IL1RAPL1: variants seen among roughly 807,000 people sequenced by gnomAD.
IL1RAPL1 encodes the protein interleukin 1 receptor accessory protein like 1, also known as interleukin-1 receptor accessory protein-like 1.
A neutral mutation model predicts 48.4 loss-of-function variants in IL1RAPL1; 3 were observed. The ratio of observed to expected loss-of-function variants is 0.06; its 90% CI spans 0.03 to 0.16. The LOEUF (loss-of-function observed/expected upper bound fraction) is 0.16. IL1RAPL1 is among the 10% of genes least tolerant of loss of function. The pLI is 1.00. For missense variants in IL1RAPL1, 349 were observed against 530.6 expected (o/e 0.66, Z 3.36); for synonymous variants, 185 against 187.7 (o/e 0.99, Z 0.12).
chrX:29,624,561 T>A (rs868532424), intron 5 of IL1RAPL1, among the ~76,000 whole-genome samples: 6 of 111,509 alleles, frequency 5.4e-5, no homozygotes, highest in South Asian at 7.5e-4. Context: ...TGGCTTGGCA[T>A]GGTGGCTCAT....
intron 6 of IL1RAPL1, among the ~76,000 whole-genome samples, chrX:29,783,013 T>C (rs1929391560): frequency 1.0e-5 from 1 of 97,384 alleles, no homozygotes. Flanking sequence ...CACGCCATTC[T>C]CCTGCCTCAG....
At chrX:29,432,290 T>C (rs1298788009) in intron 5 of IL1RAPL1, among the ~76,000 whole-genome samples, 1 of 111,529 alleles carries the variant, frequency 9.0e-6, no homozygotes, top group Admixed American at 9.6e-5. Context: ...CTTCTTTCAG[T>C]CTCTTGCCAG....
chrX:29,601,582 A>G (rs1923719916), intron 5 of IL1RAPL1, among the ~76,000 whole-genome samples: 1 of 112,293 alleles, frequency 8.9e-6, no homozygotes, highest in Admixed American at 9.4e-5. Context: ...AATGTTCACA[A>G]TTACCCACCC....
chrX:29,389,771 G>A (rs940797431), intron 3 of IL1RAPL1, among the ~76,000 whole-genome samples: 5 of 112,376 alleles, frequency 4.4e-5, no homozygotes, highest in African/African-American at 1.6e-4. Context: ...TCAACAAAAT[G>A]TTTAAAAAAG....
At chrX:28,654,212 AAAC>A (rs1183867976) in intron 1 of IL1RAPL1, among the ~76,000 whole-genome samples, 1 of 104,745 alleles carries the variant, frequency 9.5e-6, no homozygotes, top group Non-Finnish European at 1.9e-5. Flanking sequence ...TTAAAAAAAA[AAAC>A]ACACACGAAC....
intron 5 of IL1RAPL1, among the ~76,000 whole-genome samples, chrX:29,580,676 A>T (rs751256742): frequency 8.1e-5 from 9 of 111,755 alleles, no homozygotes; most frequent in Non-Finnish European, 1.5e-4. Context: ...CATATAACTC[A>T]TTCTCTTTAA....
At position 29,160,224 on chromosome X, in the gene IL1RAPL1, A is replaced by G. The variant is rs185113706; in HGVS notation, c.83-122714A>G. On this transcript the variant is annotated intron_variant, in intron 2 of 10. Transcript: ENST00000378993. Reference sequence around the variant, plus strand: ...CAGATATATTCACAGCAAAAGTACTATCATTGTAGAGTAGTTTCACTTAGC... The same window carrying G: ...CAGATATATTCACAGCAAAAGTACTGTCATTGTAGAGTAGTTTCACTTAGC... 7.4e-3 allele frequency among the ~76,000 whole-genome samples: 832 copies of G among 112,067 alleles called. 8 individuals carry two copies. Among genetic ancestry groups the G allele is most frequent in the Middle Eastern group, 0.014 (3 of 218 alleles).
At chrX:28,901,004 A>G (rs1923061147) in intron 2 of IL1RAPL1, among the ~76,000 whole-genome samples, 1 of 112,308 alleles carries the variant, frequency 8.9e-6, no homozygotes, top group Non-Finnish European at 1.9e-5. Flanking sequence ...ATGCAAATAA[A>G]TTTGATAATT....
chrX:29,672,958 T>C (rs1329391798), intron 6 of IL1RAPL1, among the ~76,000 whole-genome samples: 1 of 112,135 alleles, frequency 8.9e-6, no homozygotes, highest in Non-Finnish European at 1.9e-5. Flanking sequence ...TTTTTAAACA[T>C]AGATCTTAGT....
chrX:29,812,483 G>C (rs1430774348), intron 6 of IL1RAPL1, among the ~76,000 whole-genome samples: 1 of 111,035 alleles, frequency 9.0e-6, no homozygotes, highest in Non-Finnish European at 1.9e-5. Context: ...CAAGAAAATT[G>C]TTCAGAACGG....
intron 5 of IL1RAPL1, among the ~76,000 whole-genome samples, chrX:29,420,727 A>T (rs1934280855): frequency 2.7e-5 from 3 of 112,739 alleles, no homozygotes; most frequent in Non-Finnish European, 5.6e-5. Context: ...TGAGTTGGGA[A>T]TGTATTTTAG....
chrX:28,705,102 G>A (rs1333537913), intron 1 of IL1RAPL1, among the ~76,000 whole-genome samples: 2 of 111,784 alleles, frequency 1.8e-5, no homozygotes, highest in Admixed American at 9.5e-5. Flanking sequence ...GTGGTTGGAC[G>A]TTGTTACAAT....
chrX:29,908,480 G>C (rs1031647688), intron 6 of IL1RAPL1, among the ~76,000 whole-genome samples: 9 of 109,443 alleles, frequency 8.2e-5, no homozygotes, highest in Non-Finnish European at 1.5e-4. Context: ...TCTCTTTTGA[G>C]TTTCTTAAGG....
At chrX:29,618,800 A>G (rs1924373039) in intron 5 of IL1RAPL1, among the ~76,000 whole-genome samples, 1 of 112,010 alleles carries the variant, frequency 8.9e-6, no homozygotes, top group Non-Finnish European at 1.9e-5. Context: ...ATCTTTGGGG[A>G]CCAGGAATCA....
chrX:28,864,249 G>A (rs1273703866), intron 2 of IL1RAPL1, among the ~76,000 whole-genome samples: 2 of 111,528 alleles, frequency 1.8e-5, no homozygotes, highest in Non-Finnish European at 3.8e-5. Context: ...CTGACACTTA[G>A]GACTTTTTAA....
chrX:29,123,922 G>A (rs979159634), intron 2 of IL1RAPL1, among the ~76,000 whole-genome samples: 1 of 105,330 alleles, frequency 9.5e-6, no homozygotes, highest in East Asian at 3.0e-4. Context: ...TGTTAAATAT[G>A]CATATTATTA....
At chrX:29,259,398 T>C (rs904002745) in intron 2 of IL1RAPL1, among the ~76,000 whole-genome samples, 52 of 111,509 alleles carry the variant, frequency 4.7e-4, no homozygotes, top group African/African-American at 1.6e-3. Flanking sequence ...AACTATTTTA[T>C]ATACTATTAA....
At chrX:29,518,682 G>A (rs1443037019) in intron 5 of IL1RAPL1, among the ~76,000 whole-genome samples, 2 of 111,245 alleles carry the variant, frequency 1.8e-5, no homozygotes, top group East Asian at 2.8e-4. Flanking sequence ...GTAGTAGATC[G>A]GATTTGAGAG....
chrX:29,479,678 TC>T (rs911628659), intron 5 of IL1RAPL1, among the ~76,000 whole-genome samples: 1 of 108,591 alleles, frequency 9.2e-6, no homozygotes, highest in Admixed American at 1.0e-4. Context: ...CTCCCAACGT[TC>T]CCCCCCAGTC....
Sources: gnomAD v4.1 joint callset for allele counts (sites outside exome capture counted in the v4.1 genomes callset) on GRCh38, gnomAD v4.1.1 for gene constraint, MANE v1.5 for transcripts, NCBI Gene and HGNC (gene_info 2026-07-23, HGNC 2026-07-21) for gene names.